The following GABRB1 variants were observed in gnomAD, a reference collection of about 807,000 sequenced individuals.
The protein encoded by GABRB1 is gamma-aminobutyric acid receptor subunit beta-1.
A neutral mutation model predicts 51.6 loss-of-function variants in GABRB1; 17 were observed. The observed-to-expected ratio is 0.33, with a 90% confidence interval of 0.23 to 0.49. The LOEUF (loss-of-function observed/expected upper bound fraction) is 0.49, where lower values mean the gene tolerates loss of function less well. Ranked by LOEUF, GABRB1 falls within the 20% of genes least tolerant of loss-of-function variation. The pLI is 0.99. For missense variants in GABRB1, 410 were observed against 600.6 expected (o/e 0.68, Z 3.32); for synonymous variants, 247 against 218.9 (o/e 1.13, Z -1.14).
At chr4:47,358,909 C>G (rs1348082850) in intron 5 of GABRB1, among the ~76,000 whole-genome samples, 1 of 151,956 alleles carries the variant, frequency 6.6e-6, no homozygotes, top group South Asian at 2.1e-4. Flanking sequence ...TTTCAAATAC[C>G]AGCCCTGTTC....
intron 4 of GABRB1, among the ~76,000 whole-genome samples, chr4:47,233,432 C>G (rs187971601): frequency 1.4e-4 from 21 of 152,282 alleles, no homozygotes; most frequent in Middle Eastern, 3.4e-3. Context: ...CCACTGCTTG[C>G]CACGCATTTA....
At chr4:47,053,456 T>G (rs1354774986) in intron 3 of GABRB1, among the ~76,000 whole-genome samples, 1 of 152,160 alleles carries the variant, frequency 6.6e-6, no homozygotes, top group Non-Finnish European at 1.5e-5. Flanking sequence ...TATGCATATA[T>G]ATGACTTTTA....
At chr4:47,342,941 C>A (rs76340144) in intron 5 of GABRB1, among the ~76,000 whole-genome samples, 2 of 152,008 alleles carry the variant, frequency 1.3e-5, no homozygotes, top group Non-Finnish European at 2.9e-5. Flanking sequence ...AGGAAACAGA[C>A]CTCAATGCTG....
intron 3 of GABRB1, among the ~76,000 whole-genome samples, chr4:47,099,165 C>A (rs754005984): frequency 6.6e-6 from 1 of 152,074 alleles, no homozygotes; most frequent in Non-Finnish European, 1.5e-5. Flanking sequence ...ACAAAGCAAG[C>A]ATTTACATAA....
chr4:47,142,442 T>C (rs1271584294), intron 3 of GABRB1, among the ~76,000 whole-genome samples: 1 of 151,886 alleles, frequency 6.6e-6, no homozygotes, highest in Non-Finnish European at 1.5e-5. Context: ...GCTAGGCATA[T>C]AAATAGATCA....
chr4:47,243,204 G>C (rs1409622431), intron 4 of GABRB1, among the ~76,000 whole-genome samples: 1 of 152,116 alleles, frequency 6.6e-6, no homozygotes, highest in Non-Finnish European at 1.5e-5. Flanking sequence ...GTAGATGTGT[G>C]GTATTATTTC....
chr4:47,168,509 A>G (rs952513737), intron 4 of GABRB1, among the ~76,000 whole-genome samples: 1 of 152,070 alleles, frequency 6.6e-6, no homozygotes, highest in South Asian at 2.1e-4. Flanking sequence ...GTCTTTCTCT[A>G]TCTCCATCTC....
rs374109397 is a variant in GABRB1 at position 47,378,422 on chromosome 4, C to T, written c.545-24896C>T. Among the ~76,000 whole-genome samples, 379 of 152,282 alleles carry T rather than the reference C, an allele frequency of 2.5e-3. 1 individual carries two copies. Among genetic ancestry groups the T allele is most frequent in the African/African-American group, 8.7e-3 (360 of 41,584 alleles). On this transcript the variant is annotated intron_variant, in intron 5 of 8. Transcript: ENST00000295454. ...AAGCACCGCGCGCAGCCCGGGTTCC[C>T]GCCCACACCTCTCCCTCCACACCTC...
intron 4 of GABRB1, among the ~76,000 whole-genome samples, chr4:47,199,106 G>A (rs924119381): frequency 2.0e-5 from 3 of 152,162 alleles, no homozygotes; most frequent in African/African-American, 7.2e-5. Flanking sequence ...GAAGCAACGT[G>A]TTGGAGGCGG....
intron 4 of GABRB1, among the ~76,000 whole-genome samples, chr4:47,171,623 T>C (rs1199497723): frequency 6.6e-6 from 1 of 152,176 alleles, no homozygotes; most frequent in Non-Finnish European, 1.5e-5. Flanking sequence ...TACATATTTT[T>C]AAAGAAAACT....
chr4:47,408,656 A>T (rs1340687970), intron 8 of GABRB1, among the ~76,000 whole-genome samples: 1 of 152,240 alleles, frequency 6.6e-6, no homozygotes, highest in East Asian at 1.9e-4. Context: ...TGATTATAAA[A>T]TGAGACAGGA....
chr4:47,198,416 G>C (rs1206747473), intron 4 of GABRB1, among the ~76,000 whole-genome samples: 1 of 152,170 alleles, frequency 6.6e-6, no homozygotes, highest in Non-Finnish European at 1.5e-5. Flanking sequence ...GGCGTAGATT[G>C]TCTTGAAGGA....
chr4:47,295,207 T>A (rs1009484070), intron 4 of GABRB1, among the ~76,000 whole-genome samples: 1 of 152,160 alleles, frequency 6.6e-6, no homozygotes, highest in African/African-American at 2.4e-5. Flanking sequence ...GTGCCTCTCC[T>A]CCTCCAAAGG....
At position 47,103,506 on chromosome 4, in the gene GABRB1, C is replaced by T. The variant is rs796835081; in HGVS notation, c.241-57743C>T. Among the ~76,000 whole-genome samples the T allele has an allele frequency of 2.8e-4, 43 of 152,004 alleles. 1 individual carries two copies. The highest frequency in any genetic ancestry group is 9.6e-4 in the African/African-American group (40 of 41,518). On this transcript the variant is annotated intron_variant, in intron 3 of 8. Transcript: ENST00000295454. ...ATGATATTATTGTTAGATCATTATG[C>T]TATTCTATTTAACTATATCAAGGTA...
intron 4 of GABRB1, among the ~76,000 whole-genome samples, chr4:47,221,687 G>GTATC (rs1720769082): frequency 6.6e-6 from 1 of 151,968 alleles, no homozygotes; most frequent in South Asian, 2.1e-4. Context: ...TGCAGGGTGA[G>GTATC]TATCTGCCTC....
intron 5 of GABRB1, among the ~76,000 whole-genome samples, chr4:47,339,298 G>A (rs527501620): frequency 9.8e-5 from 15 of 152,286 alleles, no homozygotes; most frequent in South Asian, 8.3e-4. Context: ...AGGAAAGTAA[G>A]CCACAGCATC....
chr4:47,281,380 A>G (rs1437080174), intron 4 of GABRB1, among the ~76,000 whole-genome samples: 3 of 152,220 alleles, frequency 2.0e-5, no homozygotes, highest in African/African-American at 7.2e-5. Context: ...GCTGTTATAA[A>G]AAAGACAAAT....
At chr4:47,167,810 A>G (rs1277202098) in intron 4 of GABRB1, among the ~76,000 whole-genome samples, 1 of 152,032 alleles carries the variant, frequency 6.6e-6, no homozygotes, top group Non-Finnish European at 1.5e-5. Context: ...CCCTTCTGCC[A>G]TCCTATGATT....
In GABRB1 at chr4:47,411,679, A is replaced by G. The variant is rs1054336980; in HGVS notation, c.1080+4753A>G. Reference sequence around the variant, plus strand: ...ATGTCACTTTCCTGACTTTGATATTATATCATAGTTATGTAAGATGTAATC... The same window carrying G: ...ATGTCACTTTCCTGACTTTGATATTGTATCATAGTTATGTAAGATGTAATC... On this transcript the variant is annotated intron_variant, in intron 8 of 8. Transcript: ENST00000295454. Among the ~76,000 whole-genome samples the G allele has an allele frequency of 2.0e-5, 3 of 152,200 alleles. No homozygotes were observed. In the East Asian group the frequency reaches 5.8e-4, roughly 29 times the overall value.
Sources: allele counts gnomAD v4.1 joint callset (sites outside exome capture counted in the v4.1 genomes callset), GRCh38; gene constraint gnomAD v4.1.1; transcripts MANE v1.5; gene names NCBI Gene and HGNC (gene_info 2026-07-23, HGNC 2026-07-21).